NFE2L2: variants seen among roughly 807,000 people sequenced by gnomAD.
The protein encoded by NFE2L2 is nuclear factor erythroid 2-related factor 2.
NFE2L2 carries 20 observed loss-of-function variants against 49.6 expected under a neutral mutation model. The observed-to-expected ratio is 0.40, with a 90% CI of 0.28 to 0.59. The LOEUF (loss-of-function observed/expected upper bound fraction) is 0.59. Among genes scored for constraint, NFE2L2 ranks in the 20% least tolerant of loss-of-function variants. The pLI, the probability that NFE2L2 is intolerant of heterozygous loss-of-function variation, is 0.40. For synonymous variants in NFE2L2, 244 were observed against 256.5 expected (o/e 0.95, Z 0.47); for missense variants, 578 against 714.2 (o/e 0.81, Z 2.17).
intron 3 of NFE2L2, chr2:177,232,856 G>A: frequency 2.0e-6 from 1 of 498,846 alleles, no homozygotes; most frequent in Non-Finnish European, 3.6e-6. Flanking sequence ...ATAATATCTA[G>A]CACAGTGGTA....
chr2:177,254,316 A>G (rs912278936), intron 1 of NFE2L2, among the ~76,000 whole-genome samples: 1 of 152,118 alleles, frequency 6.6e-6, no homozygotes, highest in African/African-American at 2.4e-5. Flanking sequence ...ATATTCGATG[A>G]CCTCTGTCCC....
chr2:177,233,177 C>G, intron 3 of NFE2L2, 73 bp downstream of exon 3: 1 of 1,256,858 alleles, frequency 8.0e-7, no homozygotes, highest in Non-Finnish European at 1.1e-6. Context: ...ATTGACGGGA[C>G]TTACATAGAA....
chr2:177,234,884 G>C (rs6433654), intron 1 of NFE2L2, among the ~76,000 whole-genome samples: 80,305 of 151,824 alleles, frequency 0.53, 21,987 homozygotes, highest in South Asian at 0.75. Context: ...GGGAGGCCAA[G>C]GTGGGTGGAT....
In NFE2L2 at chr2:177,237,817, C is replaced by A. The variant is rs145616927; in HGVS notation, c.46-3546G>T. The stretch of plus-strand genomic sequence containing the variant: ...TACAGGTGTGAGCCACCACGCCCAG[C>A]TGAGAAACCTACTTTAAAATTCTGA... On this transcript the variant is annotated intron_variant, in intron 1 of 4. Coordinates refer to ENST00000397062, the MANE Select transcript of NFE2L2 (RefSeq NM_006164.5). 3.3e-5 allele frequency among the ~76,000 whole-genome samples: 5 copies of A among 152,348 alleles called. No individual in the cohort carries two copies. In the East Asian group the frequency reaches 9.6e-4, roughly 29 times the overall value.
At chr2:177,263,707 TCA>T (rs1268453372) in intron 1 of NFE2L2, 4 of 985,320 alleles carry the variant, frequency 4.1e-6, no homozygotes, top group South Asian at 4.7e-5. Context: ...GACTCCGGCC[TCA>T]GAGTCCACTG....
At chr2:177,244,020 G>C (rs188666710) in intron 1 of NFE2L2, among the ~76,000 whole-genome samples, 1 of 151,234 alleles carries the variant, frequency 6.6e-6, no homozygotes, top group African/African-American at 2.4e-5. Context: ...AAAGATCCTT[G>C]CTGGGTGCGG....
chr2:177,235,847 G>C (rs920653007), intron 1 of NFE2L2, among the ~76,000 whole-genome samples: 6 of 152,186 alleles, frequency 3.9e-5, no homozygotes, highest in African/African-American at 1.4e-4. Context: ...TACATGGGGA[G>C]AGAATTTATA....
Position 177,231,803 on chromosome 2 carries a change from G to T in NFE2L2, c.800C>A (p.Thr267Lys). ...ILSTEDPNQL[T>K]VNSLNSDATV... is the part of the protein sequence containing the mutation. The stretch of plus-strand genomic sequence containing the variant: ...GGCATCTGAATTTAATGAGTTCACT[G>T]TCAACTGGTTGGGGTCTTCTGTGGA... The change falls in exon 5 of 5, where the codon ACA (threonine) becomes AAA (lysine). Residue 267 changes from threonine to lysine, a missense_variant. By Grantham distance (78) the Thr-to-Lys change is moderately conservative. This residue lies in a region of NFE2L2 where 368 missense variants were observed against 384.6 expected (regional missense o/e 0.96). Coordinates refer to ENST00000397062, the MANE Select transcript of NFE2L2 (RefSeq NM_006164.5). The T allele has an allele frequency of 6.2e-7, 1 of 1,614,216 alleles. No individual in the cohort carries two copies. Among genetic ancestry groups the T allele is most frequent in the Middle Eastern group, 1.6e-4 (1 of 6,062 alleles).
intron 3 of NFE2L2, 106 bp downstream of exon 3, chr2:177,233,144 T>C: frequency 1.0e-6 from 1 of 975,922 alleles, no homozygotes; most frequent in African/African-American, 1.8e-5. Flanking sequence ...TAAAAATGTT[T>C]TTATTCTTTT....
rs1207694039 is a variant in NFE2L2 at position 177,243,997 on chromosome 2, TA to T, written c.46-9727del. ...ATTATATGTATAAAACACTTAGCTT[TA>T]AAAAAAAAAAAAAAGATCCTTGCTG... On this transcript the variant is annotated intron_variant, in intron 1 of 4. Transcript: ENST00000397062. Among the ~76,000 whole-genome samples, 909 of 140,518 alleles carry T rather than the reference TA, an allele frequency of 6.5e-3. 2 individuals are homozygous for T. The highest frequency in any genetic ancestry group is 0.014 in the East Asian group (67 of 4,936). 92.2% of individuals were successfully genotyped at this position (140,518 alleles called of 152,430 possible). A position where few individuals can be genotyped will look rare whatever the true frequency, so the allele number is the denominator to read the frequency against.
chr2:177,233,102 A>G (rs1277288687), intron 3 of NFE2L2, 148 bp downstream of exon 3: 6 of 664,864 alleles, frequency 9.0e-6, no homozygotes, highest in Non-Finnish European at 1.3e-5. Flanking sequence ...TTTCCTTGAC[A>G]AGAGTATTTC....
rs2105451385 is a variant in NFE2L2, at chr2:177,231,062, C to T, written c.1541G>A (p.Cys514Tyr). The T allele has an allele frequency of 6.2e-7, 1 of 1,614,004 alleles. No individual in the cohort carries two copies. Among genetic ancestry groups the T allele is most frequent in the Non-Finnish European group, 8.5e-7 (1 of 1,180,012 alleles). ...TATATTTTCCAGTTTTCTTTTTCTG[C>T]AATTCTGAGCAGCCACTTTATTCTT... ...RGKNKVAAQN[C>Y]RKRKLENIVE... The change falls in exon 5 of 5, where the codon TGC becomes TAC. Residue 514 changes from cysteine (C) to tyrosine (Y), a missense_variant. Physicochemically the swap from Cys to Tyr is radical, Grantham distance 194 (BLOSUM62 -2). Coordinates refer to ENST00000397062, the MANE Select transcript of NFE2L2 (RefSeq NM_006164.5).
chr2:177,247,983 T>C (rs780765156), intron 1 of NFE2L2, among the ~76,000 whole-genome samples: 60 of 152,288 alleles, frequency 3.9e-4, no homozygotes, highest in Middle Eastern at 3.4e-3. Flanking sequence ...TCCAGCCAGG[T>C]TGACCCATCT....
rs759117836 is a variant in NFE2L2, at chr2:177,231,545, C to G, written c.1058G>C (p.Ser353Thr). Residue 353 changes from serine to threonine, a missense_variant, in exon 5 of 5, where the codon AGT (serine) becomes ACT (threonine). Ser to Thr is a moderately conservative substitution (Grantham distance 58). This residue lies in a region of NFE2L2 where 368 missense variants were observed against 384.6 expected (regional missense o/e 0.96). Coordinates refer to ENST00000397062, the MANE Select transcript of NFE2L2 (RefSeq NM_006164.5). ...CACTGAGTGTTCTGGTGATGCCACA[C>G]TGGGACTTGTGTTTAGTGAAATGCC... is the stretch of plus-strand genomic sequence containing the variant. ...DSGISLNTSP[S>T]VASPEHSVES... The G allele has an allele frequency of 2.5e-6, 4 of 1,614,202 alleles. No individual in the cohort carries two copies. The highest frequency in any genetic ancestry group is 3.4e-6 in the Non-Finnish European group (4 of 1,180,034).
chr2:177,258,439 G>A (rs1486978979), intron 1 of NFE2L2, among the ~76,000 whole-genome samples: 1 of 152,172 alleles, frequency 6.6e-6, no homozygotes, highest in Non-Finnish European at 1.5e-5. Context: ...CAGGGGCCAG[G>A]AGAGTTGAGG....
At chr2:177,242,888 A>C (rs2105470876) in intron 1 of NFE2L2, among the ~76,000 whole-genome samples, 1 of 152,058 alleles carries the variant, frequency 6.6e-6, no homozygotes, top group South Asian at 2.1e-4. Context: ...CTGAGTCCCC[A>C]AGGAGGTTTT....
chr2:177,263,923 G>T, intron 1 of NFE2L2: 3 of 985,516 alleles, frequency 3.0e-6, no homozygotes, highest in African/African-American at 1.7e-5. Flanking sequence ...AGAGTGATCC[G>T]AGAGATGGAT....
chr2:177,264,449 G>T lies in NFE2L2; in HGVS notation c.45+83C>A. On this transcript the variant is annotated intron_variant, in intron 1 of 4. Transcript: ENST00000397062. ...CCAGACGTGGGGGAAGCCGGTTGCG[G>T]CTGTCCCTCCCGGGCCGCGGTTCCC... is the stretch of plus-strand genomic sequence containing the variant. The T allele has an allele frequency of 2.1e-6, 3 of 1,409,880 alleles. No individual in the cohort carries two copies. The South Asian group carries it at 3.9e-5, about 18-fold the overall frequency. 87.3% of individuals were successfully genotyped at this position (1,409,880 alleles called of 1,614,324 possible).
intron 1 of NFE2L2, among the ~76,000 whole-genome samples, chr2:177,258,262 C>T (rs900408193): frequency 6.6e-6 from 1 of 152,168 alleles, no homozygotes; most frequent in African/African-American, 2.4e-5. Context: ...AGGAATGACG[C>T]TATTGATATA....
Sources: allele counts gnomAD v4.1 joint callset (sites outside exome capture counted in the v4.1 genomes callset), GRCh38; gene constraint gnomAD v4.1.1; regional missense constraint gnomAD v4.1.1; transcripts MANE v1.5; gene names NCBI Gene and HGNC (gene_info 2026-07-23, HGNC 2026-07-21).